RIMS2: variants seen among roughly 807,000 people sequenced by gnomAD.
The protein encoded by RIMS2 is regulating synaptic membrane exocytosis 2, also known as regulating synaptic membrane exocytosis protein 2.
Under a neutral mutation model 174.4 loss-of-function variants are expected in RIMS2, and 59 were observed. That is an observed-to-expected ratio of 0.34 (90% CI 0.27 to 0.42). The LOEUF (loss-of-function observed/expected upper bound fraction) is 0.42, where lower values mean the gene tolerates loss of function less well. Among genes scored for constraint, RIMS2 ranks in the 10% least tolerant of loss-of-function variants. The probability of loss-of-function intolerance (pLI) is 1.00; values close to 1 mark genes in which losing one functional copy is unlikely to be tolerated. For synonymous variants in RIMS2, 606 were observed against 572.5 expected, an observed-to-expected ratio of 1.06 and a Z score of -0.84; for missense variants, 1,620 against 1,666.3, an observed-to-expected ratio of 0.97 and a Z score of 0.48.
At chr8:103,593,908 CAAT>C (rs1018426562) in intron 1 of RIMS2, among the ~76,000 whole-genome samples, 7 of 151,004 alleles carry the variant, frequency 4.6e-5, no homozygotes, top group Admixed American at 2.6e-4. Context: ...TTGAGATCCT[CAAT>C]AATTTTTACT....
chr8:104,149,659 T>C (rs1035278743), intron 19 of RIMS2, among the ~76,000 whole-genome samples: 1 of 152,198 alleles, frequency 6.6e-6, no homozygotes, highest in Non-Finnish European at 1.5e-5. Flanking sequence ...ATGGTGTTTC[T>C]TTTATAGCAA....
intron 19 of RIMS2, among the ~76,000 whole-genome samples, chr8:104,060,487 T>C (rs1459317162): frequency 6.6e-6 from 1 of 152,104 alleles, no homozygotes; most frequent in Non-Finnish European, 1.5e-5. Flanking sequence ...TTGCTAGCAG[T>C]CTATCAATTT....
chr8:104,107,975 C>CG (rs1017778669), intron 19 of RIMS2, among the ~76,000 whole-genome samples: 14 of 150,946 alleles, frequency 9.3e-5, no homozygotes, highest in Non-Finnish European at 1.5e-4. Flanking sequence ...CTGCCCCCCC[C>CG]CCACAATGGA....
chr8:103,750,346 A>G lies in RIMS2; in HGVS notation c.388-15881A>G, dbSNP rs1029238029. 2.0e-5 allele frequency among the ~76,000 whole-genome samples: 3 copies of G among 152,170 alleles called. No homozygotes were observed. The South Asian group carries it at 6.2e-4, about 31-fold the overall frequency. On this transcript the variant is annotated intron_variant, in intron 2 of 23. Transcript: ENST00000504942. ...AAAGATTAAACAAGACATAAATACA[A>G]ATATACTATCAGTTGACAGTTTTCT...
At position 103,798,725 on chromosome 8, in the gene RIMS2, A is replaced by G. The variant is rs142389032; in HGVS notation, c.698+32188A>G. On this transcript the variant is annotated intron_variant, in intron 3 of 23. Transcript: ENST00000504942. ...ATTTGTTGTTCCAGACTGCTGCATT[A>G]TAATGTGGTAGACAGAATAATGGCC... Among the ~76,000 whole-genome samples the G allele has an allele frequency of 6.0e-3, 914 of 152,248 alleles. 5 individuals are homozygous for G. The highest frequency in any genetic ancestry group is 0.011 in the Non-Finnish European group (733 of 68,004).
chr8:104,134,692 A>G (rs2098503818), intron 19 of RIMS2, among the ~76,000 whole-genome samples: 1 of 152,184 alleles, frequency 6.6e-6, no homozygotes, highest in Non-Finnish European at 1.5e-5. Context: ...TTCCTCACAA[A>G]TTGATGTGGA....
At chr8:103,610,803 T>C (rs1409027051) in intron 1 of RIMS2, among the ~76,000 whole-genome samples, 1 of 152,188 alleles carries the variant, frequency 6.6e-6, no homozygotes, top group South Asian at 2.1e-4. Flanking sequence ...TTGTCATGTG[T>C]CTGCCATGTT....
At chr8:104,120,133 A>T (rs1462359523) in intron 19 of RIMS2, among the ~76,000 whole-genome samples, 2 of 152,162 alleles carry the variant, frequency 1.3e-5, no homozygotes, top group African/African-American at 4.8e-5. Context: ...TTTCTCACTC[A>T]TGTAGAGAGC....
chr8:103,560,007 A>G (rs895662776), intron 1 of RIMS2, among the ~76,000 whole-genome samples: 2 of 152,212 alleles, frequency 1.3e-5, no homozygotes, highest in Non-Finnish European at 2.9e-5. Flanking sequence ...TGTAGTAAGT[A>G]TGCTTTACTG....
intron 19 of RIMS2, among the ~76,000 whole-genome samples, chr8:104,042,165 C>CA (rs1264818880): frequency 2.0e-5 from 3 of 151,200 alleles, no homozygotes; most frequent in Non-Finnish European, 3.0e-5. Flanking sequence ...TTCCTTTCCC[C>CA]TGGGGAGGAT....
intron 7 of RIMS2, among the ~76,000 whole-genome samples, chr8:103,915,961 A>T (rs1038907027): frequency 2.6e-5 from 4 of 151,928 alleles, no homozygotes; most frequent in Non-Finnish European, 5.9e-5. Flanking sequence ...GTTAATGGAT[A>T]CTGTTGGAGA....
chr8:104,223,376 G>A (rs2099165348), intron 19 of RIMS2: 3 of 1,218,040 alleles, frequency 2.5e-6, no homozygotes, highest in Non-Finnish European at 3.1e-6. Flanking sequence ...CTCCCTCCCG[G>A]GCGAGACCTC....
chr8:103,527,106 T>C (rs1381018209), intron 1 of RIMS2, among the ~76,000 whole-genome samples: 4 of 152,180 alleles, frequency 2.6e-5, no homozygotes, highest in Non-Finnish European at 5.9e-5. Flanking sequence ...GATTTATGTC[T>C]TCAAAGTGCT....
chr8:104,088,453 C>T lies in RIMS2; in HGVS notation c.3334+73838C>T, dbSNP rs114690201. 9.6e-3 allele frequency among the ~76,000 whole-genome samples: 1,459 copies of T among 152,098 alleles called. 23 individuals are homozygous for T. The highest frequency in any genetic ancestry group is 0.033 in the African/African-American group (1,362 of 41,530). Reference sequence around the variant, plus strand: ...TATGTTTGCCTTAGTTTTCTTTCCCCGCTCCTATCTTTTGATTAACTCAGT... The same window carrying T: ...TATGTTTGCCTTAGTTTTCTTTCCCTGCTCCTATCTTTTGATTAACTCAGT... On this transcript the variant is annotated intron_variant, in intron 19 of 23. Coordinates refer to ENST00000504942, the Ensembl canonical transcript of RIMS2.
chr8:103,550,479 A>T (rs7825848), intron 1 of RIMS2, among the ~76,000 whole-genome samples: 7,302 of 152,252 alleles, frequency 0.048, 573 homozygotes, highest in African/African-American at 0.16. Flanking sequence ...AATTTATAGC[A>T]CTAAATGCCC....
intron 19 of RIMS2, among the ~76,000 whole-genome samples, chr8:104,147,906 G>A (rs1162425043): frequency 2.0e-5 from 3 of 152,138 alleles, no homozygotes; most frequent in Admixed American, 6.6e-5. Context: ...GTGATTCATC[G>A]ATTGCTTTCT....
Position 103,918,516 on chromosome 8 carries a change from G to A in RIMS2, c.2083+29G>A, listed in dbSNP as rs530505731. On this transcript the variant is annotated intron_variant, in intron 9 of 23. Coordinates refer to ENST00000504942, the Ensembl canonical transcript of RIMS2. Reference sequence around the variant, plus strand: ...AGTTTTATTTATGCTGGAAGAAAACGTTATTTATAATTGCATTCATCAGAG... The same window carrying A: ...AGTTTTATTTATGCTGGAAGAAAACATTATTTATAATTGCATTCATCAGAG... 8.3e-5 allele frequency: 125 copies of A among 1,510,374 alleles called. 2 individuals are homozygous for A. The South Asian group carries it at 1.2e-3, about 15-fold the overall frequency. 93.6% of individuals were successfully genotyped at this position (1,510,374 alleles called of 1,614,324 possible).
At chr8:104,058,990 AG>A (rs1377969240) in intron 19 of RIMS2, among the ~76,000 whole-genome samples, 1 of 151,916 alleles carries the variant, frequency 6.6e-6, no homozygotes, top group Admixed American at 6.6e-5. Context: ...TATAGTTTGA[AG>A]TCAGGTAACG....
intron 3 of RIMS2, among the ~76,000 whole-genome samples, chr8:103,823,398 A>G (rs138645532): frequency 1.3e-5 from 2 of 152,068 alleles, no homozygotes; most frequent in African/African-American, 4.8e-5. Flanking sequence ...TTATGCCTGC[A>G]GTCATCCAGT....
Sources: allele counts gnomAD v4.1 joint callset (sites outside exome capture counted in the v4.1 genomes callset), GRCh38; gene constraint gnomAD v4.1.1; transcripts MANE v1.5; gene names NCBI Gene and HGNC (gene_info 2026-07-23, HGNC 2026-07-21).